The following ATP13A5 variants were observed in gnomAD, a reference collection of about 807,000 sequenced individuals.
ATP13A5 encodes the protein ATPase 13A5, also known as probable cation-transporting ATPase 13A5.
ATP13A5 carries 149 observed loss-of-function variants against 150.2 expected under a neutral mutation model. The ratio of observed to expected loss-of-function variants is 0.99; its 90% CI spans 0.87 to 1.14. The LOEUF is 1.14. Among genes scored for constraint, ATP13A5 ranks in the 50% most tolerant of loss-of-function variants. The pLI is 0.00. For synonymous variants in ATP13A5, 497 were observed against 522.2 expected, an observed-to-expected ratio of 0.95 and a Z score of 0.66; for missense variants, 1,383 against 1,449.3, an observed-to-expected ratio of 0.95 and a Z score of 0.74.
At chr3:193,292,570 T>C (rs4234628) in intron 25 of ATP13A5, among the ~76,000 whole-genome samples, 136,345 of 152,224 alleles carry the variant, frequency 0.9, 61,295 homozygotes, top group East Asian at 0.98. Flanking sequence ...GCTCTGCTTT[T>C]TGTGACTCAC....
At chr3:193,280,622 C>T (rs113013200) in intron 27 of ATP13A5, among the ~76,000 whole-genome samples, 13 of 152,248 alleles carry the variant, frequency 8.5e-5, no homozygotes, top group East Asian at 7.7e-4. Context: ...CTAAACTTCC[C>T]GGATGCACTG....
chr3:193,292,567 T>G (rs1375261358), intron 25 of ATP13A5, among the ~76,000 whole-genome samples: 1 of 152,158 alleles, frequency 6.6e-6, no homozygotes, highest in African/African-American at 2.4e-5. Context: ...GTGGCTCTGC[T>G]TTTTGTGACT....
At position 193,333,794 on chromosome 3, in the gene ATP13A5, C is replaced by T. The variant is rs1170205487; in HGVS notation, c.1228G>A (p.Val410Ile). 13 of 1,613,922 alleles carry T rather than the reference C, an allele frequency of 8.1e-6. No individual in the cohort carries two copies. The highest frequency in any genetic ancestry group is 1.1e-5 in the South Asian group (1 of 91,070). The change falls in exon 11 of 30, where the codon GTC becomes ATC. Residue 410 changes from valine (V) to isoleucine (I), a missense_variant. Coordinates refer to ENST00000342358, the MANE Select transcript of ATP13A5 (RefSeq NM_198505.4). Reference sequence around the variant, plus strand: ...CCTAGGGCATAGAAAAAACCCATGACACCAAGGCAGGCCAGGAACACGATG... The same window carrying T: ...CCTAGGGCATAGAAAAAACCCATGATACCAAGGCAGGCCAGGAACACGATG... ...KFIVFLACLGVMGFFYALGVY... is the reference protein window; with the variant it reads ...KFIVFLACLGIMGFFYALGVY...
At chr3:193,346,842 C>T (rs539745382) in intron 7 of ATP13A5, among the ~76,000 whole-genome samples, 2 of 152,158 alleles carry the variant, frequency 1.3e-5, no homozygotes, top group African/African-American at 2.4e-5. Context: ...AGTGCATATT[C>T]ATTGCTCTAA....
intron 25 of ATP13A5, 37 bp downstream of exon 25, chr3:193,299,094 A>G (rs1176253084): frequency 1.3e-6 from 2 of 1,505,536 alleles, no homozygotes; most frequent in South Asian, 2.5e-5. Flanking sequence ...TCATAGATAA[A>G]TAAAAACAAT....
intron 13 of ATP13A5, among the ~76,000 whole-genome samples, chr3:193,326,763 A>G (rs946634421): frequency 3.3e-5 from 5 of 152,174 alleles, no homozygotes; most frequent in Admixed American, 2.0e-4. Flanking sequence ...TAGTTCCTTA[A>G]TTATCCACCT....
chr3:193,354,811 A>G (rs1286156913), intron 5 of ATP13A5, among the ~76,000 whole-genome samples: 1 of 152,038 alleles, frequency 6.6e-6, no homozygotes, highest in Non-Finnish European at 1.5e-5. Flanking sequence ...AGTTTTTACA[A>G]AGATTCATTT....
At chr3:193,354,662 C>G (rs557486662) in intron 5 of ATP13A5, among the ~76,000 whole-genome samples, 23 of 151,902 alleles carry the variant, frequency 1.5e-4, no homozygotes, top group Non-Finnish European at 2.8e-4. Flanking sequence ...AGTATATGAA[C>G]TGAATGAACG....
At chr3:193,355,529 AGCC>A (rs1712750161) in intron 5 of ATP13A5, among the ~76,000 whole-genome samples, 2 of 152,192 alleles carry the variant, frequency 1.3e-5, no homozygotes, top group African/African-American at 2.4e-5. Context: ...CAGAGAGCTG[AGCC>A]CAAGTTTATC....
intron 27 of ATP13A5, 89 bp downstream of exon 27, chr3:193,284,825 C>A (rs1717649025): frequency 9.3e-7 from 1 of 1,077,962 alleles, no homozygotes; most frequent in Admixed American, 2.7e-5. Flanking sequence ...TCTTCCTCAG[C>A]CCATCATTTC....
In ATP13A5 at chr3:193,275,103, G is replaced by A. The variant is rs1424239651; in HGVS notation, c.3596C>T (p.Pro1199Leu). The change falls in exon 30 of 30, where the codon CCA (proline) becomes CTA (leucine). Residue 1199 changes from proline to leucine, a missense_variant. Physicochemically the swap from Pro to Leu is moderately conservative, Grantham distance 98 (BLOSUM62 -3). Transcript: ENST00000342358. ...GCCTCCCAATTTGAGTTTTCTTTTT[G>A]GAATCTGTTCATGGCTTTCATAGCC... is the stretch of plus-strand genomic sequence containing the variant. ...NGGYESHEQI[P>L]KRKLKLGGQP... 5.0e-6 allele frequency: 8 copies of A among 1,613,980 alleles called. 1 individual carries two copies. In the South Asian group the frequency reaches 7.7e-5, roughly 16 times the overall value.
intron 5 of ATP13A5, among the ~76,000 whole-genome samples, chr3:193,355,999 C>T (rs1484722561): frequency 2.6e-5 from 4 of 152,190 alleles, no homozygotes; most frequent in Non-Finnish European, 4.4e-5. Context: ...CTTGTGCTTG[C>T]TGTTCCCTCC....
chr3:193,299,704 T>G (rs1718327292), intron 24 of ATP13A5, among the ~76,000 whole-genome samples: 1 of 152,118 alleles, frequency 6.6e-6, no homozygotes, highest in Admixed American at 6.6e-5. Flanking sequence ...CAGAATTCAG[T>G]CGGGTACATC....
intron 22 of ATP13A5, 119 bp from the exon 23 acceptor site, chr3:193,305,787 G>T: frequency 1.2e-6 from 1 of 821,170 alleles, no homozygotes; most frequent in Non-Finnish European, 1.9e-6. Context: ...TCATCTTTGG[G>T]TCTCTGTTTA....
intron 24 of ATP13A5, among the ~76,000 whole-genome samples, 171 bp downstream of exon 24, chr3:193,301,040 A>G (rs1285626230): frequency 6.6e-6 from 1 of 152,222 alleles, no homozygotes; most frequent in East Asian, 1.9e-4. Flanking sequence ...ACTTATTTCT[A>G]GTTCCACATT....
At chr3:193,287,849 G>T (rs1417166069) in intron 26 of ATP13A5, among the ~76,000 whole-genome samples, 1 of 152,066 alleles carries the variant, frequency 6.6e-6, no homozygotes, top group Non-Finnish European at 1.5e-5. Flanking sequence ...AAACCTTCTG[G>T]AAAGAATTCA....
At chr3:193,319,589 G>C (rs959981143) in intron 16 of ATP13A5, among the ~76,000 whole-genome samples, 1 of 152,222 alleles carries the variant, frequency 6.6e-6, no homozygotes. Context: ...CCAGCCCCCA[G>C]AACTGTGAGG....
intron 9 of ATP13A5, among the ~76,000 whole-genome samples, chr3:193,337,305 C>T (rs574238173): frequency 9.0e-4 from 137 of 152,218 alleles, no homozygotes; most frequent in African/African-American, 3.0e-3. Context: ...GACATGAAGT[C>T]GTTGCCCATG....
intron 17 of ATP13A5, among the ~76,000 whole-genome samples, chr3:193,318,154 T>G (rs1160245978): frequency 1.3e-5 from 2 of 152,056 alleles, no homozygotes; most frequent in African/African-American, 4.8e-5. Context: ...AAGCACAGAG[T>G]AAGGAAGGGA....
Sources: gnomAD v4.1 joint callset for allele counts (sites outside exome capture counted in the v4.1 genomes callset) on GRCh38, gnomAD v4.1.1 for gene constraint, MANE v1.5 for transcripts, NCBI Gene and HGNC (gene_info 2026-07-23, HGNC 2026-07-21) for gene names.